Variants in ZIM2 observed in about 807,000 individuals in gnomAD.
ZIM2 encodes zinc finger protein 656.
ZIM2 carries 14 observed loss-of-function variants against 38.6 expected under a neutral mutation model. That is an observed-to-expected ratio of 0.36 (90% CI 0.24 to 0.57). ZIM2 has a LOEUF of 0.57. Ranked by LOEUF, ZIM2 falls within the 20% of genes least tolerant of loss-of-function variation. ZIM2 has a pLI of 0.81. For missense variants in ZIM2, 680 were observed against 695.1 expected (o/e 0.98, Z 0.24); for synonymous variants, 247 against 245.8 (o/e 1.00, Z -0.04).
At chr19:56,799,235 T>C (rs2047379538) in intron 9 of ZIM2, 1 of 152,168 alleles carries the variant, frequency 6.6e-6, no homozygotes, top group South Asian at 2.1e-4. Flanking sequence ...AAAGGAAATA[T>C]GGTACGTATA....
rs531045355 is a variant in ZIM2 at position 56,790,560 on chromosome 19, C to T, written c.491-609G>A. Among the ~76,000 whole-genome samples, 12 of 152,280 alleles carry T rather than the reference C, an allele frequency of 7.9e-5. No individual in the cohort carries two copies. In the East Asian group the frequency reaches 1.2e-3, roughly 15 times the overall value. On this transcript the variant is annotated intron_variant, in intron 9 of 12. Transcript: ENST00000629319. ...GTCTTGGTCATCAGATCAACTATCACGGTATCACAGTGCTTGTGTTCATGT... is the reference window on the plus strand; with the variant it reads ...GTCTTGGTCATCAGATCAACTATCATGGTATCACAGTGCTTGTGTTCATGT...
chr19:56,810,170 A>G, intron 9 of ZIM2: 1 of 981,072 alleles, frequency 1.0e-6, no homozygotes, highest in Non-Finnish European at 1.2e-6. Flanking sequence ...GTGCACAGAA[A>G]CAAGATGAAG....
Position 56,814,098 on chromosome 19 carries a change from C to T in ZIM2, c.490+3648G>A, listed in dbSNP as rs2059747432. On this transcript the variant is annotated intron_variant, in intron 9 of 12. Transcript: ENST00000629319. This position sits in a 1 kb window ranked among gnomAD's most constrained non-coding sequence, Gnocchi z 5.8. Reference sequence around the variant, plus strand: ...CTGCACCATCTGGCTCATCAGCATCCCCATTTGGCTGCTCGGCCTCTCCAT... The same window carrying T: ...CTGCACCATCTGGCTCATCAGCATCTCCATTTGGCTGCTCGGCCTCTCCAT... 1 of 1,613,990 alleles carries T rather than the reference C, an allele frequency of 6.2e-7. No homozygotes were observed. The highest frequency in any genetic ancestry group is 1.3e-5 in the African/African-American group (1 of 75,008).
intron 9 of ZIM2, among the ~76,000 whole-genome samples, chr19:56,790,313 T>C (rs987339724): frequency 2.0e-5 from 3 of 152,210 alleles, no homozygotes; most frequent in Non-Finnish European, 4.4e-5. Context: ...TCCCCACTTA[T>C]CTGAGGTTTT....
At chr19:56,777,326 T>C (rs1027544122) in intron 12 of ZIM2, among the ~76,000 whole-genome samples, 28 of 152,242 alleles carry the variant, frequency 1.8e-4, no homozygotes, top group African/African-American at 6.8e-4. Flanking sequence ...TAGTCCTCAC[T>C]GGCTCTTCTG....
At chr19:56,837,767 G>A (rs1568734936) in intron 1 of ZIM2, among the ~76,000 whole-genome samples, 1 of 152,230 alleles carries the variant, frequency 6.6e-6, no homozygotes, top group African/African-American at 2.4e-5. Flanking sequence ...AATCCCCTCA[G>A]CCCCCTCCAA....
chr19:56,791,164 T>C (rs1440581326), intron 9 of ZIM2: 1 of 152,192 alleles, frequency 6.6e-6, no homozygotes, highest in East Asian at 1.9e-4. Context: ...GAGGCACTCA[T>C]GTAACACGGT....
At chr19:56,808,222 T>C (rs540682016) in intron 9 of ZIM2, among the ~76,000 whole-genome samples, 79 of 152,302 alleles carry the variant, frequency 5.2e-4, no homozygotes, top group African/African-American at 1.9e-3. Flanking sequence ...TGTGCTGTTA[T>C]TTAACGGATG....
At chr19:56,815,038 A>C (rs755834818) in intron 9 of ZIM2, 1 of 1,614,188 alleles carries the variant, frequency 6.2e-7, no homozygotes. Context: ...CCGACTGTCA[A>C]CCAGGCACTT....
chr19:56,814,175 C>T lies in ZIM2; in HGVS notation c.490+3571G>A. The stretch of plus-strand genomic sequence containing the variant: ...TCTGCAGCCTCTCCATCTGGCCCTT[C>T]AGCCTCTCCGTTTGGCTCAGCAGCC... On this transcript the variant is annotated intron_variant, in intron 9 of 12. Coordinates refer to ENST00000629319, the MANE Select transcript of ZIM2 (RefSeq NM_001387356.1). The surrounding 1 kb of genome is among the most constrained non-coding windows in gnomAD (Gnocchi z 5.8). 6.2e-6 allele frequency: 10 copies of T among 1,614,138 alleles called. No individual in the cohort carries two copies. The South Asian group carries it at 1.1e-4, about 18-fold the overall frequency.
In ZIM2 at chr19:56,812,729, C is replaced by A. The variant is rs2059620079; in HGVS notation, c.490+5017G>T. ...TACTGTGATCTAGTGATGGTTGTAA[C>A]CCATTCTTTAAAGGCAAAGATGTAA... is the stretch of plus-strand genomic sequence containing the variant. On this transcript the variant is annotated intron_variant, in intron 9 of 12. Coordinates refer to ENST00000629319, the MANE Select transcript of ZIM2 (RefSeq NM_001387356.1). The A allele has an allele frequency of 7.1e-6, 7 of 984,850 alleles. No individual in the cohort carries two copies. In the South Asian group the frequency reaches 3.3e-4, roughly 46 times the overall value. The allele number at this position is 984,850 out of a possible 1,614,324, so 61.0% of individuals were successfully genotyped here.
Position 56,789,928 on chromosome 19 carries a change from G to A in ZIM2, c.514C>T (p.Pro172Ser), listed in dbSNP as rs1415159409. The A allele has an allele frequency of 1.9e-6, 3 of 1,575,982 alleles. No homozygotes were observed. The highest frequency in any genetic ancestry group is 2.6e-6 in the Non-Finnish European group (3 of 1,154,078). The change falls in exon 10 of 13, where the codon CCT becomes TCT. Residue 172 changes from proline to serine, a missense_variant. Physicochemically the swap from Pro to Ser is moderately conservative, Grantham distance 74. Coordinates refer to ENST00000629319, the MANE Select transcript of ZIM2 (RefSeq NM_001387356.1). ...ATCTCTGTGTTCCTCTTTTCTGCAG[G>A]GACAGAGTCCTGAGCAAGGAAACCT... ...SRGFLAQDSV[P>S]AEKRNTEMLD...
At chr19:56,804,692 A>T (rs1357981808) in intron 9 of ZIM2, among the ~76,000 whole-genome samples, 1 of 152,188 alleles carries the variant, frequency 6.6e-6, no homozygotes, top group Non-Finnish European at 1.5e-5. Context: ...GAGGGTTAGG[A>T]TTAGAAGTGT....
chr19:56,824,672 T>C lies in ZIM2; in HGVS notation c.-150-245A>G, dbSNP rs138074674. 1.9e-4 allele frequency: 299 copies of C among 1,584,320 alleles called. 5 individuals carry two copies. The South Asian group carries it at 3.0e-3, about 16-fold the overall frequency. The stretch of plus-strand genomic sequence containing the variant: ...AGGCAGCATTTCTCTAAGTAAAATT[T>C]TCACTGGAGGAACCAAACATGAGTC... On this transcript the variant is annotated intron_variant, in intron 3 of 12. Coordinates refer to ENST00000629319, the MANE Select transcript of ZIM2 (RefSeq NM_001387356.1).
chr19:56,802,321 T>A (rs2047562074), intron 9 of ZIM2, among the ~76,000 whole-genome samples: 1 of 152,148 alleles, frequency 6.6e-6, no homozygotes. Flanking sequence ...AAATTGACTA[T>A]GGAAACGTGA....
At chr19:56,829,702 C>T (rs1453906704) in intron 2 of ZIM2, among the ~76,000 whole-genome samples, 5 of 152,222 alleles carry the variant, frequency 3.3e-5, no homozygotes, top group Admixed American at 1.3e-4. Flanking sequence ...GGATTCAACC[C>T]GTCCTCTACT....
At chr19:56,785,383 C>T (rs2046543709) in intron 10 of ZIM2, among the ~76,000 whole-genome samples, 2 of 152,034 alleles carry the variant, frequency 1.3e-5, no homozygotes, top group South Asian at 2.1e-4. Context: ...TACCTCGCTC[C>T]CCCCACCCCA....
chr19:56,817,933 ATGAG>A, intron 8 of ZIM2, 95 bp from the exon 9 acceptor site: 1 of 922,132 alleles, frequency 1.1e-6, no homozygotes, highest in Non-Finnish European at 1.7e-6. Flanking sequence ...GCCACTAAAT[ATGAG>A]GTGGCCCACA....
In ZIM2 at chr19:56,810,445, T is replaced by C. The variant is rs576297440; in HGVS notation, c.490+7301A>G. 2.9e-4 allele frequency: 287 copies of C among 984,126 alleles called. 2 individuals are homozygous for C. Among genetic ancestry groups the C allele is most frequent in the Non-Finnish European group, 3.4e-4 (280 of 828,814 alleles). The allele number at this position is 984,126 out of a possible 1,614,324, so 61.0% of individuals were successfully genotyped here. A position where few individuals can be genotyped will look rare whatever the true frequency, so the allele number is the denominator to read the frequency against. Reference sequence around the variant, plus strand: ...CATCTTTGACATTTATGCATACTTATCACTAACACCCTAATAATCACAGAC... The same window carrying C: ...CATCTTTGACATTTATGCATACTTACCACTAACACCCTAATAATCACAGAC... On this transcript the variant is annotated intron_variant, in intron 9 of 12. Transcript: ENST00000629319.
Sources: allele counts gnomAD v4.1 joint callset (sites outside exome capture counted in the v4.1 genomes callset), GRCh38; gene constraint gnomAD v4.1.1; non-coding constraint Gnocchi (gnomAD v3.1); transcripts MANE v1.5; gene names NCBI Gene and HGNC (gene_info 2026-07-23, HGNC 2026-07-21).